Variants in SYNRG observed in about 807,000 individuals in gnomAD.
The protein encoded by SYNRG is AP1 gamma subunit binding protein 1.
In SYNRG, 37 loss-of-function variants were observed where a neutral mutation model predicts 130.9. That is an observed-to-expected ratio of 0.28 (90% CI 0.22 to 0.37). The LOEUF (loss-of-function observed/expected upper bound fraction) is 0.37, where lower values mean the gene tolerates loss of function less well. Among genes scored for constraint, SYNRG ranks in the 10% least tolerant of loss-of-function variants. The pLI, the probability that SYNRG is intolerant of heterozygous loss-of-function variation, is 1.00. For synonymous variants in SYNRG, 539 were observed against 568.1 expected, an observed-to-expected ratio of 0.95 and a Z score of 0.73; for missense variants, 1,338 against 1,588.9, an observed-to-expected ratio of 0.84 and a Z score of 2.68.
intron 3 of SYNRG, among the ~76,000 whole-genome samples, chr17:37,590,177 A>G (rs868684242): frequency 2.6e-5 from 4 of 151,024 alleles, no homozygotes; most frequent in African/African-American, 9.9e-5. Flanking sequence ...CAAAAAAAAA[A>G]AAAAGAAAAG....
At chr17:37,577,700 T>C (rs1008377039) in intron 6 of SYNRG, 87 bp from the exon 7 acceptor site, 10 of 960,532 alleles carry the variant, frequency 1.0e-5, no homozygotes, top group East Asian at 8.1e-5. Context: ...ATATTCTTTT[T>C]TTTTTTTTTT....
At chr17:37,602,010 C>T (rs762627708) in intron 1 of SYNRG, among the ~76,000 whole-genome samples, 83 of 151,518 alleles carry the variant, frequency 5.5e-4, no homozygotes, top group Non-Finnish European at 9.9e-4. Context: ...AGTGAGATTC[C>T]GTCTCAAATA....
At chr17:37,567,717 C>T (rs2060099847) in intron 11 of SYNRG, 1 of 152,162 alleles carries the variant, frequency 6.6e-6, no homozygotes, top group Non-Finnish European at 1.5e-5. Context: ...AGTGTGTATG[C>T]AGCAAAGTGC....
At chr17:37,528,825 C>G (rs1008364429) in intron 19 of SYNRG, among the ~76,000 whole-genome samples, 15 of 152,194 alleles carry the variant, frequency 9.9e-5, no homozygotes, top group African/African-American at 3.4e-4. Flanking sequence ...TAGTGGGCAA[C>G]TCAAGTTTCA....
At chr17:37,605,767 C>T in intron 1 of SYNRG, 1 of 972,756 alleles carries the variant, frequency 1.0e-6, no homozygotes, top group Non-Finnish European at 1.2e-6. Flanking sequence ...AAGGTAAAAC[C>T]ACTAATTCTT....
In SYNRG at chr17:37,560,376, C is replaced by T. The variant is rs548776239; in HGVS notation, c.1663+819G>A. On this transcript the variant is annotated intron_variant, in intron 13 of 21. Transcript: ENST00000612223. ...TTTGAGATGGAATCTTGCTGTGTTG[C>T]CCAGGCTGGAGTGCAGTGGCATGAT... Among the ~76,000 whole-genome samples the T allele has an allele frequency of 9.4e-5, 14 of 148,404 alleles. No individual in the cohort carries two copies. In the East Asian group the frequency reaches 2.6e-3, roughly 27 times the overall value.
chr17:37,569,236 G>A (rs184470557), intron 10 of SYNRG, among the ~76,000 whole-genome samples: 101 of 152,210 alleles, frequency 6.6e-4, no homozygotes, highest in Non-Finnish European at 1.2e-3. Context: ...ATGGCGAAAC[G>A]CCATCTCCAC....
In SYNRG at chr17:37,584,703, C is replaced by T. The variant is rs143726351; in HGVS notation, c.534G>A (p.Gly178=). The change falls in exon 6 of 22, where the codon GGG becomes GGA. Residue 178 remains glycine, a synonymous_variant. Coordinates refer to ENST00000612223, the MANE Select transcript of SYNRG (RefSeq NM_007247.6). ...ALEAIKGNLD[G]FSRDAKMHPT... is the part of the protein sequence containing the mutation. ...GGTGCATTTTTGCATCTCTGGAAAA[C>T]CCATCTAAATTTCCTTTTATGGCTT... 1.5e-5 allele frequency: 24 copies of T among 1,613,820 alleles called. No homozygotes were observed. In the East Asian group the frequency reaches 4.9e-4, roughly 33 times the overall value.
Position 37,518,917 on chromosome 17 carries a change from T to G in SYNRG, c.*23A>C, listed in dbSNP as rs1457713228. ...GTGGGGTGTCACAGAAAAAAAAAAG[T>G]CAATGCTTCACAGAGGAGTTGTTCA... On this transcript the variant is annotated 3_prime_UTR_variant, in exon 22 of 22. Coordinates refer to ENST00000612223, the MANE Select transcript of SYNRG (RefSeq NM_007247.6). The G allele has an allele frequency of 8.2e-5, 130 of 1,593,530 alleles. No individual in the cohort carries two copies. Among genetic ancestry groups the G allele is most frequent in the South Asian group, 6.1e-4 (53 of 86,628 alleles).
chr17:37,529,892 A>T, intron 19 of SYNRG: 1 of 1,539,686 alleles, frequency 6.5e-7, no homozygotes, highest in Non-Finnish European at 8.8e-7. Context: ...GGGGTTGTAT[A>T]GAAATCTAGT....
intron 6 of SYNRG, among the ~76,000 whole-genome samples, chr17:37,580,478 C>CATGTGTGTGTGT (rs1555780109): frequency 1.3e-4 from 16 of 121,960 alleles, no homozygotes; most frequent in African/African-American, 4.8e-4. Flanking sequence ...CTTTGTATTT[C>CATGTGTGTGTGT]GTGTGTGTGT....
chr17:37,593,406 C>CT (rs1404458511), intron 3 of SYNRG, among the ~76,000 whole-genome samples: 2 of 151,460 alleles, frequency 1.3e-5, no homozygotes, highest in Non-Finnish European at 2.9e-5. Flanking sequence ...GAGCCAGACT[C>CT]TGTCTCAAAA....
chr17:37,559,411 C>T (rs2059358088), intron 13 of SYNRG, among the ~76,000 whole-genome samples: 1 of 152,134 alleles, frequency 6.6e-6, no homozygotes, highest in Non-Finnish European at 1.5e-5. Flanking sequence ...AAAGACTGGC[C>T]AAGTGTGGTG....
At chr17:37,589,906 C>T (rs757814422) in intron 3 of SYNRG, among the ~76,000 whole-genome samples, 1 of 152,104 alleles carries the variant, frequency 6.6e-6, no homozygotes, top group Non-Finnish European at 1.5e-5. Context: ...CGCATTGGCT[C>T]ACACATGTAA....
intron 10 of SYNRG, among the ~76,000 whole-genome samples, chr17:37,570,114 C>G (rs1469965197): frequency 6.8e-6 from 1 of 146,336 alleles, no homozygotes; most frequent in Non-Finnish European, 1.5e-5. Flanking sequence ...AATGTGACTA[C>G]TAGGATAGAA....
At chr17:37,530,646 C>G (rs1000911394) in intron 19 of SYNRG, among the ~76,000 whole-genome samples, 1 of 152,168 alleles carries the variant, frequency 6.6e-6, no homozygotes, top group Non-Finnish European at 1.5e-5. Flanking sequence ...AACAGTTAAC[C>G]AATCCATTAA....
chr17:37,527,366 C>T (rs1160748632), intron 19 of SYNRG, among the ~76,000 whole-genome samples: 2 of 152,178 alleles, frequency 1.3e-5, no homozygotes, highest in Non-Finnish European at 2.9e-5. Flanking sequence ...TGCATCACAT[C>T]TCACTAAACC....
At chr17:37,568,711 C>A in intron 11 of SYNRG, 80 bp downstream of exon 11, 1 of 1,490,614 alleles carries the variant, frequency 6.7e-7, no homozygotes, top group Non-Finnish European at 9.1e-7. Context: ...TTTTAAATTT[C>A]TCACACCTAG....
rs771692662 is a variant in SYNRG, at chr17:37,542,240, C to T, written c.2934G>A (p.Lys978=). The T allele has an allele frequency of 1.9e-6, 3 of 1,614,186 alleles. No homozygotes were observed. In the South Asian group the frequency reaches 3.3e-5, roughly 18 times the overall value. The part of the protein sequence containing the change: ...KDTIPQTSEQ[K]EYENRDYKDF... ...CTTTATAGTCTCTGTTTTCATATTC[C>T]TTTTGCTCACTGGTCTGAGGAATCG... The change falls in exon 15 of 22, where the codon AAG becomes AAA. Residue 978 remains lysine (K), a synonymous_variant. Coordinates refer to ENST00000612223, the MANE Select transcript of SYNRG (RefSeq NM_007247.6).
Sources: gnomAD v4.1 joint callset for allele counts (sites outside exome capture counted in the v4.1 genomes callset) on GRCh38, gnomAD v4.1.1 for gene constraint, MANE v1.5 for transcripts, NCBI Gene and HGNC (gene_info 2026-07-23, HGNC 2026-07-21) for gene names.